The following WWOX variants were observed in gnomAD, a reference collection of about 807,000 sequenced individuals.
The protein encoded by WWOX is WW domain-containing oxidoreductase.
Under a neutral mutation model 46.2 loss-of-function variants are expected in WWOX, and 69 were observed. The observed-to-expected ratio is 1.49, with a 90% confidence interval of 1.23 to 1.82. The LOEUF (loss-of-function observed/expected upper bound fraction) is 1.82, where lower values mean the gene tolerates loss of function less well. Among genes scored for constraint, WWOX ranks in the 40% most tolerant of loss-of-function variants. WWOX has a pLI of 0.00. For synonymous variants in WWOX, 359 were observed against 202.6 expected, an observed-to-expected ratio of 1.77 and a Z score of -6.56; for missense variants, 919 against 542.6, an observed-to-expected ratio of 1.69 and a Z score of -6.89.
chr16:78,557,668 A>G (rs1217416728), intron 8 of WWOX, among the ~76,000 whole-genome samples: 2 of 144,270 alleles, frequency 1.4e-5, no homozygotes, highest in Non-Finnish European at 3.0e-5. Flanking sequence ...GCGACACATA[A>G]GTGCATTCCT....
Position 79,001,267 on chromosome 16 carries a change from C to A in WWOX, c.1057-210341C>A, listed in dbSNP as rs866178392. Reference sequence around the variant, plus strand: ...TTTGCCTCCTCTCCCAAGACAAAGGCCTCCCCGCCCCCCTAAATCCAGCAC... The same window carrying A: ...TTTGCCTCCTCTCCCAAGACAAAGGACTCCCCGCCCCCCTAAATCCAGCAC... On this transcript the variant is annotated intron_variant, in intron 8 of 8. Transcript: ENST00000566780. Among the ~76,000 whole-genome samples, 5 of 152,230 alleles carry A rather than the reference C, an allele frequency of 3.3e-5. No homozygotes were observed. The Middle Eastern group carries it at 0.017, about 518-fold the overall frequency.
rs1555522669 is a variant in WWOX at position 78,340,017 on chromosome 16, T to TGGGCG, written c.517-46840_517-46839insCGGGG. On this transcript the variant is annotated intron_variant, in intron 5 of 8. Transcript: ENST00000566780. The stretch of plus-strand genomic sequence containing the variant: ...TCTTCTAGTCTTTCCATGGATTTGG[T>TGGGCG]GGGGGGGGGGGGGACGTTTCTATTT... Among the ~76,000 whole-genome samples the TGGGCG allele has an allele frequency of 1.2e-3, 8 of 6,794 alleles. 1 individual carries two copies. Among genetic ancestry groups the TGGGCG allele is most frequent in the Admixed American group, 4.7e-3 (2 of 422 alleles). 4.5% of individuals were successfully genotyped at this position (6,794 alleles called of 152,430 possible). A position where few individuals can be genotyped will look rare whatever the true frequency, so the allele number is the denominator to read the frequency against.
Position 78,624,027 on chromosome 16 carries a change from A to G in WWOX, c.1056+191275A>G, listed in dbSNP as rs77849609. On this transcript the variant is annotated intron_variant, in intron 8 of 8. Transcript: ENST00000566780. ...CACCATCCACTTTATAGATGAGGAA[A>G]GTAAGAACCCACAGCATCTTGCACG... is the stretch of plus-strand genomic sequence containing the variant. 3.3e-5 allele frequency among the ~76,000 whole-genome samples: 5 copies of G among 152,306 alleles called. No homozygotes were observed. The East Asian group carries it at 7.7e-4, about 24-fold the overall frequency.
chr16:78,519,057 A>C (rs4319778), intron 8 of WWOX, among the ~76,000 whole-genome samples: 2 of 152,264 alleles, frequency 1.3e-5, no homozygotes, highest in South Asian at 4.1e-4. Flanking sequence ...ATTTAATCTT[A>C]TACATGAGAC....
intron 5 of WWOX, among the ~76,000 whole-genome samples, chr16:78,320,422 C>T (rs1276546933): frequency 6.6e-6 from 1 of 152,198 alleles, no homozygotes; most frequent in Non-Finnish European, 1.5e-5. Flanking sequence ...TGAACTTGCA[C>T]AGTGGACACA....
chr16:78,814,430 T>G (rs1465823192), intron 8 of WWOX, among the ~76,000 whole-genome samples: 1 of 151,354 alleles, frequency 6.6e-6, no homozygotes, highest in Non-Finnish European at 1.5e-5. Flanking sequence ...CATCCCCTAA[T>G]AAAACCACTG....
intron 8 of WWOX, among the ~76,000 whole-genome samples, chr16:78,986,663 C>G (rs1376018139): frequency 1.3e-5 from 2 of 152,232 alleles, no homozygotes; most frequent in African/African-American, 2.4e-5. Flanking sequence ...ATGGATCTGA[C>G]TCTTGAATTC....
Position 78,813,779 on chromosome 16 carries a change from G to C in WWOX, c.1056+381027G>C, listed in dbSNP as rs150859163. On this transcript the variant is annotated intron_variant, in intron 8 of 8. Transcript: ENST00000566780. ...GTCATATGTCAGACCAGGATGAGTG[G>C]GGCACATACAGATTCAGCTCATTTT... 1.0e-3 allele frequency among the ~76,000 whole-genome samples: 159 copies of C among 152,204 alleles called. 1 individual carries two copies. In the East Asian group the frequency reaches 0.019, roughly 18 times the overall value.
intron 8 of WWOX, among the ~76,000 whole-genome samples, chr16:79,027,187 G>A (rs2047662758): frequency 6.7e-6 from 1 of 150,254 alleles, no homozygotes; most frequent in African/African-American, 2.5e-5. Flanking sequence ...GGCTGAAGTG[G>A]GATAATCAGC....
intron 8 of WWOX, among the ~76,000 whole-genome samples, chr16:79,029,959 T>C (rs1300285552): frequency 6.6e-6 from 1 of 152,188 alleles, no homozygotes; most frequent in Non-Finnish European, 1.5e-5. Flanking sequence ...TTTTATAATT[T>C]CTTGATGATC....
At chr16:78,977,207 C>A (rs2046589807) in intron 8 of WWOX, among the ~76,000 whole-genome samples, 1 of 152,186 alleles carries the variant, frequency 6.6e-6, no homozygotes, top group Non-Finnish European at 1.5e-5. Flanking sequence ...TTTGGCAAGA[C>A]TTCTTCAGAC....
intron 6 of WWOX, among the ~76,000 whole-genome samples, chr16:78,424,334 G>C (rs1485731115): frequency 2.0e-5 from 3 of 151,926 alleles, no homozygotes; most frequent in Non-Finnish European, 4.4e-5. Context: ...TGGTCAGGCT[G>C]GTCTCAAACT....
intron 5 of WWOX, among the ~76,000 whole-genome samples, chr16:78,203,129 G>T (rs1377071437): frequency 1.3e-5 from 2 of 152,130 alleles, no homozygotes; most frequent in Non-Finnish European, 1.5e-5. Flanking sequence ...AGGCCATAAG[G>T]CTGGATGGTG....
intron 1 of WWOX, among the ~76,000 whole-genome samples, chr16:78,104,753 C>A (rs1463857161): frequency 1.3e-5 from 2 of 152,128 alleles, no homozygotes; most frequent in African/African-American, 4.8e-5. Context: ...TTAAAAAGAA[C>A]ATCTTTTAAT....
At chr16:78,451,000 A>G (rs2083677845) in intron 8 of WWOX, among the ~76,000 whole-genome samples, 1 of 152,206 alleles carries the variant, frequency 6.6e-6, no homozygotes, top group Admixed American at 6.5e-5. Context: ...AATATATTGG[A>G]TTCCTTTATC....
intron 8 of WWOX, among the ~76,000 whole-genome samples, chr16:78,622,767 C>G (rs970443106): frequency 6.6e-6 from 1 of 152,056 alleles, no homozygotes; most frequent in African/African-American, 2.4e-5. Flanking sequence ...TATGGCAAAG[C>G]AAAGGGATTT....
chr16:78,762,760 G>A (rs371192762), intron 8 of WWOX, among the ~76,000 whole-genome samples: 13 of 152,310 alleles, frequency 8.5e-5, no homozygotes, highest in African/African-American at 2.9e-4. Flanking sequence ...TCCCAGCTGT[G>A]TATTGTGGGG....
chr16:78,175,016 A>ATAG (rs749633701), intron 5 of WWOX, among the ~76,000 whole-genome samples: 3,992 of 146,720 alleles, frequency 0.027, 68 homozygotes, highest in Non-Finnish European at 0.046. Context: ...AATAATAATA[A>ATAG]TAATAATAAT....
At chr16:78,816,709 G>T (rs2142729349) in intron 8 of WWOX, among the ~76,000 whole-genome samples, 1 of 152,028 alleles carries the variant, frequency 6.6e-6, no homozygotes, top group East Asian at 1.9e-4. Context: ...AAAATGTAGA[G>T]TATCATCTAA....
Sources: allele counts gnomAD v4.1 joint callset (sites outside exome capture counted in the v4.1 genomes callset), GRCh38; gene constraint gnomAD v4.1.1; transcripts MANE v1.5; gene names NCBI Gene and HGNC (gene_info 2026-07-23, HGNC 2026-07-21).